Variants in KAT7 observed in about 807,000 individuals in gnomAD.
The protein encoded by KAT7 is histone acetyltransferase KAT7.
KAT7 carries 10 observed loss-of-function variants against 82.1 expected under a neutral mutation model. The ratio of observed to expected loss-of-function variants is 0.12; its 90% confidence interval spans 0.08 to 0.21. The LOEUF is 0.21. KAT7 is among the 10% of genes least tolerant of loss of function. The pLI, the probability that KAT7 is intolerant of heterozygous loss-of-function variation, is 1.00. For missense variants in KAT7, 378 were observed against 760.9 expected (o/e 0.50, Z 5.92); for synonymous variants, 250 against 262.5 (o/e 0.95, Z 0.46).
At chr17:49,826,180 T>A in intron 13 of KAT7, 34 bp downstream of exon 13, 1 of 1,602,058 alleles carries the variant, frequency 6.2e-7, no homozygotes, top group Non-Finnish European at 8.5e-7. Flanking sequence ...GGTTGATTGT[T>A]ACCCAAGAAG....
chr17:49,818,627 C>T (rs2143958664), intron 9 of KAT7, among the ~76,000 whole-genome samples: 1 of 152,206 alleles, frequency 6.6e-6, no homozygotes, highest in South Asian at 2.1e-4. Flanking sequence ...GCCATTTTTC[C>T]CCCGCTCTGT....
At chr17:49,796,638 G>A in intron 2 of KAT7, 112 bp from the exon 3 acceptor site, 5 of 767,822 alleles carry the variant, frequency 6.5e-6, no homozygotes, top group Non-Finnish European at 1.0e-5. Flanking sequence ...GGATTTGTTG[G>A]ATTTTGTGAA....
chr17:49,790,723 C>T (rs1470178106), intron 1 of KAT7, among the ~76,000 whole-genome samples: 1 of 152,086 alleles, frequency 6.6e-6, no homozygotes, highest in Non-Finnish European at 1.5e-5. Context: ...TGCAGAAATA[C>T]TATTATGTTT....
At position 49,811,543 on chromosome 17, in the gene KAT7, G is replaced by T; in HGVS notation, c.821G>T (p.Gly274Val). 1 of 1,546,632 alleles carries T rather than the reference G, an allele frequency of 6.5e-7. No individual in the cohort carries two copies. The stretch of plus-strand genomic sequence containing the variant: ...GAACTCAGGAAGAAAAGAAATTCTG[G>T]ACTGAGCAAAGAACAGAAAGAGAAA... ...VAELRKKRNSGLSKEQKEKYM... is the reference protein window; with the variant it reads ...VAELRKKRNSVLSKEQKEKYM... The change falls in exon 7 of 15, where the codon GGA (glycine) becomes GTA (valine). Residue 274 changes from glycine to valine, a missense_variant. By Grantham distance (109) the Gly-to-Val change is moderately radical. This residue lies in a region of KAT7 where 102 missense variants were observed against 129.8 expected (regional missense o/e 0.79). Transcript: ENST00000259021.
intron 9 of KAT7, among the ~76,000 whole-genome samples, chr17:49,819,163 T>C (rs990168239): frequency 6.6e-6 from 1 of 152,162 alleles, no homozygotes; most frequent in Admixed American, 6.5e-5. Context: ...TTTCCTGTGA[T>C]TTCTGTCATT....
At position 49,815,831 on chromosome 17, in the gene KAT7, G is replaced by A. The variant is rs1458385984; in HGVS notation, c.881G>A (p.Arg294Gln). The A allele has an allele frequency of 2.5e-6, 4 of 1,612,194 alleles. No individual in the cohort carries two copies. The highest frequency in any genetic ancestry group is 1.7e-6 in the Non-Finnish European group (2 of 1,178,940). ...MEHRQTYGNTREPLLENLTSE... is the reference protein window; with the variant it reads ...MEHRQTYGNTQEPLLENLTSE... ...CACAGACAGACCTATGGGAACACACGGGAACCTCTTTTAGAAAACCTGACA... is the reference window on the plus strand; with the variant it reads ...CACAGACAGACCTATGGGAACACACAGGAACCTCTTTTAGAAAACCTGACA... The change falls in exon 8 of 15, where the codon CGG becomes CAG. Residue 294 changes from arginine to glutamine, a missense_variant. Coordinates refer to ENST00000259021, the MANE Select transcript of KAT7 (RefSeq NM_007067.5).
In KAT7 at chr17:49,829,819, C is replaced by T. The variant is rs149428964; in HGVS notation, c.*2317C>T. The T allele has an allele frequency of 1.1e-4, 17 of 152,206 alleles. No individual in the cohort carries two copies. In the East Asian group the frequency reaches 3.3e-3, roughly 29 times the overall value. 9.4% of individuals were successfully genotyped at this position (152,206 alleles called of 1,614,324 possible). A position where few individuals can be genotyped will look rare whatever the true frequency, so the allele number is the denominator to read the frequency against. The stretch of plus-strand genomic sequence containing the variant: ...GGATTTATTATCTCATTTAAACCCC[C>T]ACAGGTGTGGAAACAGAGTTTCACT... On this transcript the variant is annotated 3_prime_UTR_variant, in exon 15 of 15. Coordinates refer to ENST00000259021, the MANE Select transcript of KAT7 (RefSeq NM_007067.5).
Position 49,815,808 on chromosome 17 carries a change from C to A in KAT7, c.858C>A (p.His286Gln). The change falls in exon 8 of 15, where the codon CAC (histidine) becomes CAA (glutamine). Residue 286 changes from histidine (H) to glutamine (Q), a missense_variant. Coordinates refer to ENST00000259021, the MANE Select transcript of KAT7 (RefSeq NM_007067.5). ...CGCTCTGGTTATTTTCCTAGGAACA[C>A]AGACAGACCTATGGGAACACACGGG... Reference protein sequence around the residue: ...SKEQKEKYMEHRQTYGNTREP... With the variant: ...SKEQKEKYMEQRQTYGNTREP... 1 of 1,598,970 alleles carries A rather than the reference C, an allele frequency of 6.3e-7. No homozygotes were observed. The highest frequency in any genetic ancestry group is 8.6e-7 in the Non-Finnish European group (1 of 1,167,414).
At chr17:49,824,748 T>A (rs2074348430) in intron 12 of KAT7, 1 of 152,214 alleles carries the variant, frequency 6.6e-6, no homozygotes, top group African/African-American at 2.4e-5. Context: ...TAGGTAACAC[T>A]GTTCTTATAA....
chr17:49,803,511 G>A (rs891620617), intron 4 of KAT7, among the ~76,000 whole-genome samples: 19 of 151,956 alleles, frequency 1.3e-4, no homozygotes, highest in Admixed American at 3.3e-4. Context: ...CGCAAGCTCC[G>A]CCTCCCGGGT....
intron 4 of KAT7, among the ~76,000 whole-genome samples, chr17:49,802,149 T>C (rs576195700): frequency 3.9e-5 from 6 of 152,222 alleles, no homozygotes; most frequent in Non-Finnish European, 8.8e-5. Context: ...ATTTAAATTG[T>C]CTCATTGACA....
At chr17:49,810,615 G>A (rs1255963542) in intron 6 of KAT7, among the ~76,000 whole-genome samples, 1 of 152,056 alleles carries the variant, frequency 6.6e-6, no homozygotes, top group Non-Finnish European at 1.5e-5. Flanking sequence ...ATGAATTTTT[G>A]TACCACTGTT....
chr17:49,821,093 A>AGTGG, intron 9 of KAT7, among the ~76,000 whole-genome samples: 3 of 152,212 alleles, frequency 2.0e-5, no homozygotes, highest in African/African-American at 7.2e-5. Context: ...GGGCTAAAGT[A>AGTGG]GTGCCAGAAT....
At chr17:49,821,276 T>C in intron 9 of KAT7, 61 bp from the exon 10 acceptor site, 1 of 1,267,434 alleles carries the variant, frequency 7.9e-7, no homozygotes, top group Non-Finnish European at 1.1e-6. Flanking sequence ...CCTTTTCCCT[T>C]TTGAGGAGCA....
At chr17:49,823,437 A>G in intron 12 of KAT7, 142 bp downstream of exon 12, 2 of 608,860 alleles carry the variant, frequency 3.3e-6, no homozygotes. Flanking sequence ...CAAGTAGGAA[A>G]AACCTGAACA....
intron 6 of KAT7, among the ~76,000 whole-genome samples, chr17:49,810,001 A>G (rs1030513280): frequency 1.2e-4 from 19 of 152,218 alleles, no homozygotes; most frequent in Admixed American, 1.2e-3. Context: ...ATATATGGTG[A>G]TGAGGAAGAA....
At chr17:49,808,226 A>G (rs117024504) in intron 5 of KAT7, among the ~76,000 whole-genome samples, 2,935 of 148,390 alleles carry the variant, frequency 0.02, 42 homozygotes, top group Non-Finnish European at 0.03. Context: ...GATTCAAGCA[A>G]TTCTCATGCC....
chr17:49,794,553 T>C (rs1188549502), intron 2 of KAT7, among the ~76,000 whole-genome samples: 1 of 152,266 alleles, frequency 6.6e-6, no homozygotes, highest in African/African-American at 2.4e-5. Flanking sequence ...CCCAAAGTGC[T>C]GGGATTACAG....
chr17:49,804,205 C>G (rs925866642), intron 4 of KAT7, among the ~76,000 whole-genome samples: 3 of 151,608 alleles, frequency 2.0e-5, no homozygotes. Flanking sequence ...TGGTGAAACC[C>G]CATCTCTACT....
Sources: allele counts gnomAD v4.1 joint callset (sites outside exome capture counted in the v4.1 genomes callset), GRCh38; gene constraint gnomAD v4.1.1; regional missense constraint gnomAD v4.1.1; transcripts MANE v1.5; gene names NCBI Gene and HGNC (gene_info 2026-07-23, HGNC 2026-07-21).